RLN1: variants seen among roughly 807,000 people sequenced by gnomAD.
RLN1 encodes the protein relaxin 1.
RLN1 carries 4 observed loss-of-function variants against 7.2 expected under a neutral mutation model. The ratio of observed to expected loss-of-function variants is 0.56; its 90% CI spans 0.28 to 1.28. The LOEUF (loss-of-function observed/expected upper bound fraction) is 1.28, where lower values mean the gene tolerates loss of function less well. RLN1 is among the 50% of genes most tolerant of loss of function. The pLI, the probability that RLN1 is intolerant of heterozygous loss-of-function variation, is 0.11. For missense variants in RLN1, 293 were observed against 221.1 expected, an observed-to-expected ratio of 1.32 and a Z score of -2.06; for synonymous variants, 105 against 86.0, an observed-to-expected ratio of 1.22 and a Z score of -1.22.
chr9:5,337,684 G>A (rs1479753043), intron 1 of RLN1, among the ~76,000 whole-genome samples: 1 of 151,910 alleles, frequency 6.6e-6, no homozygotes, highest in African/African-American at 2.4e-5. Flanking sequence ...TTCCTACCTA[G>A]TAACGGTAAA....
chr9:5,338,171 A>G (rs1186259684), intron 1 of RLN1, among the ~76,000 whole-genome samples: 10 of 109,066 alleles, frequency 9.2e-5, no homozygotes, highest in Non-Finnish European at 1.7e-4. Context: ...ATTAATGTAC[A>G]TTTGTCTTTA....
intron 1 of RLN1, 34 bp from the exon 2 acceptor site, chr9:5,335,631 C>T (rs371742833): frequency 1.4e-5 from 20 of 1,388,536 alleles, no homozygotes; most frequent in Middle Eastern, 1.9e-4. Flanking sequence ...TATGTGAAGG[C>T]GTATTCACGT....
In RLN1 at chr9:5,334,967, T is replaced by G; in HGVS notation, c.*284A>C. On this transcript the variant is annotated 3_prime_UTR_variant, in exon 2 of 2. Transcript: ENST00000223862. Reference sequence around the variant, plus strand: ...GGTACTGTATTGTTATTATGTATGGTTAAAGTGGCAAAGGTTTTATTGTAA... The same window carrying G: ...GGTACTGTATTGTTATTATGTATGGGTAAAGTGGCAAAGGTTTTATTGTAA... 3.5e-6 allele frequency: 1 copy of G among 283,166 alleles called. No homozygotes were observed. The highest frequency in any genetic ancestry group is 6.5e-6 in the Non-Finnish European group (1 of 154,272). The allele number at this position is 283,166 out of a possible 1,614,324, so 17.5% of individuals were successfully genotyped here.
intron 1 of RLN1, among the ~76,000 whole-genome samples, chr9:5,336,144 G>A (rs1322052873): frequency 6.6e-6 from 1 of 152,066 alleles, no homozygotes; most frequent in Non-Finnish European, 1.5e-5. Flanking sequence ...ATCAGCAGGA[G>A]AAGGAAATCT....
At chr9:5,340,124 T>C (rs1200730854), upstream of RLN1, among the ~76,000 whole-genome samples, 2 of 152,196 alleles carry the variant, frequency 1.3e-5, no homozygotes, top group African/African-American at 4.8e-5. Context: ...TACACAGAAA[T>C]AAAATTGAGA....
At chr9:5,339,908 G>T, upstream of RLN1, 1 of 702,144 alleles carries the variant, frequency 1.4e-6, no homozygotes, top group Non-Finnish European at 2.4e-6. Context: ...AGCTTTTAAG[G>T]CAAGGTTGCC....
Position 5,339,571 on chromosome 9 carries a change from T to C in RLN1, c.176A>G (p.Gln59Arg), listed in dbSNP as rs1816949146. ...MSTWSKRSLSQEDAPQTPRPV... is the reference protein window; with the variant it reads ...MSTWSKRSLSREDAPQTPRPV... Reference sequence around the variant, plus strand: ...TCTAGGTGTCTGAGGAGCATCTTCCTGGCTCAGAGACCTTTTGCTCCAGGT... The same window carrying C: ...TCTAGGTGTCTGAGGAGCATCTTCCCGGCTCAGAGACCTTTTGCTCCAGGT... The change falls in exon 1 of 2, where the codon CAG becomes CGG. Residue 59 changes from glutamine to arginine, a missense_variant. Gln to Arg is a conservative substitution (Grantham distance 43). Transcript: ENST00000223862. 1.2e-6 allele frequency: 2 copies of C among 1,606,342 alleles called. No homozygotes were observed. Among genetic ancestry groups the C allele is most frequent in the African/African-American group, 1.4e-5 (1 of 71,600 alleles).
intron 1 of RLN1, among the ~76,000 whole-genome samples, chr9:5,338,174 T>G (rs1359163657): frequency 1.8e-5 from 2 of 109,146 alleles, no homozygotes; most frequent in Non-Finnish European, 3.7e-5. Flanking sequence ...AATGTACATT[T>G]GTCTTTAATA....
intron 1 of RLN1, among the ~76,000 whole-genome samples, chr9:5,335,887 T>G (rs556110450): frequency 6.6e-6 from 1 of 152,026 alleles, no homozygotes; most frequent in Non-Finnish European, 1.5e-5. Context: ...TCCCTGACAT[T>G]ACTCTGTCAT....
At chr9:5,337,441 G>A (rs10815180) in intron 1 of RLN1, among the ~76,000 whole-genome samples, 63,484 of 151,768 alleles carry the variant, frequency 0.42, 13,672 homozygotes, top group Non-Finnish European at 0.44. Flanking sequence ...CTGAATTCAT[G>A]CAAATACCCT....
upstream of RLN1, among the ~76,000 whole-genome samples, chr9:5,340,892 G>A (rs1415224051): frequency 6.6e-6 from 1 of 152,146 alleles, no homozygotes; most frequent in African/African-American, 2.4e-5. Flanking sequence ...AGGACGTTAT[G>A]GTAGCTTTGA....
upstream of RLN1, among the ~76,000 whole-genome samples, chr9:5,340,363 T>G (rs73639284): frequency 0.021 from 3,263 of 152,290 alleles, 101 homozygotes; most frequent in African/African-American, 0.069. Flanking sequence ...GTAACATCAT[T>G]TTAGGCTTGT....
rs768077558 is a variant in RLN1 at position 5,335,261 on chromosome 9, T to C, written c.548A>G (p.Lys183Arg). 7 of 1,585,160 alleles carry C rather than the reference T, an allele frequency of 4.4e-6. No homozygotes were observed. Among genetic ancestry groups the C allele is most frequent in the Non-Finnish European group, 6.0e-6 (7 of 1,168,632 alleles). ...LIGCTKRSLA[K>R]YC is the part of the protein sequence containing the mutation. Reference sequence around the variant, plus strand: ...ACAATTAGCTTCATCTCAGCAATATTTAGCAAGAGACCTTTTGGTACAACC... The same window carrying C: ...ACAATTAGCTTCATCTCAGCAATATCTAGCAAGAGACCTTTTGGTACAACC... Residue 183 changes from lysine to arginine, a missense_variant, in exon 2 of 2, where the codon AAA becomes AGA. Coordinates refer to ENST00000223862, the MANE Select transcript of RLN1 (RefSeq NM_006911.4).
In RLN1 at chr9:5,334,987, T is replaced by C. The variant is rs1436027055; in HGVS notation, c.*264A>G. The stretch of plus-strand genomic sequence containing the variant: ...TATGGTTAAAGTGGCAAAGGTTTTA[T>C]TGTAATTTTAAGTTAACAGCATTAA... On this transcript the variant is annotated 3_prime_UTR_variant, in exon 2 of 2. Coordinates refer to ENST00000223862, the MANE Select transcript of RLN1 (RefSeq NM_006911.4). 12 of 330,554 alleles carry C rather than the reference T, an allele frequency of 3.6e-5. No individual in the cohort carries two copies. Among genetic ancestry groups the C allele is most frequent in the Non-Finnish European group, 5.4e-5 (10 of 184,892 alleles). The allele number at this position is 330,554 out of a possible 1,614,324, so 20.5% of individuals were successfully genotyped here.
chr9:5,335,142 T>TA lies in RLN1; in HGVS notation c.*108dup, dbSNP rs1196234110. 2.1e-5 allele frequency: 13 copies of TA among 615,362 alleles called. No individual in the cohort carries two copies. The highest frequency in any genetic ancestry group is 2.7e-5 in the Non-Finnish European group (10 of 372,614). 38.1% of individuals were successfully genotyped at this position (615,362 alleles called of 1,614,324 possible). ...ACCAAATGAAAAATCTAAACATTAA[T>TA]AAAGATTTCTTATATTCTAATAATT... is the stretch of plus-strand genomic sequence containing the variant. On this transcript the variant is annotated 3_prime_UTR_variant, in exon 2 of 2. Transcript: ENST00000223862.
chr9:5,337,128 A>T (rs1222690895), intron 1 of RLN1, among the ~76,000 whole-genome samples: 1 of 152,024 alleles, frequency 6.6e-6, no homozygotes, highest in Non-Finnish European at 1.5e-5. Context: ...AGGTTTTGGC[A>T]TTTTCCCTCA....
chr9:5,337,603 G>A (rs1030817602), intron 1 of RLN1, among the ~76,000 whole-genome samples: 2 of 151,928 alleles, frequency 1.3e-5, no homozygotes, highest in Non-Finnish European at 2.9e-5. Context: ...AAAGCAAGTA[G>A]CAATTACCTA....
At chr9:5,340,523 CAG>C (rs376943309), upstream of RLN1, among the ~76,000 whole-genome samples, 261 of 151,480 alleles carry the variant, frequency 1.7e-3, no homozygotes, top group African/African-American at 6.2e-3. Context: ...ACCACACACA[CAG>C]AGAGAGAGAA....
At position 5,339,635 on chromosome 9, in the gene RLN1, C is replaced by A. The variant is rs200387461; in HGVS notation, c.112G>T (p.Glu38Ter). 4 of 1,612,694 alleles carry A rather than the reference C, an allele frequency of 2.5e-6. No homozygotes were observed. The highest frequency in any genetic ancestry group is 3.4e-6 in the Non-Finnish European group (4 of 1,180,022). Residue 38 changes from glutamate to a stop codon, truncating the protein, a stop_gained, in exon 1 of 2, where the codon GAA becomes TAA. Coordinates refer to ENST00000223862, the MANE Select transcript of RLN1 (RefSeq NM_006911.4). LOFTEE classifies it high-confidence loss of function. ...ATGGCAATCTGCGCGCGAACTAATT[C>A]GCGGCCGCATAATTTAATAACATCG... ...KDDVIKLCGR[E>*]LVRAQIAICG...
Sources: allele counts gnomAD v4.1 joint callset (sites outside exome capture counted in the v4.1 genomes callset), GRCh38; gene constraint gnomAD v4.1.1; transcripts MANE v1.5; gene names NCBI Gene and HGNC (gene_info 2026-07-23, HGNC 2026-07-21).